Variants in CEP112 observed in about 807,000 individuals in gnomAD.
CEP112 encodes the protein centrosomal protein of 112 kDa.
Under a neutral mutation model 153.0 loss-of-function variants are expected in CEP112, and 127 were observed. That is an observed-to-expected ratio of 0.83 (90% CI 0.72 to 0.96). The LOEUF is 0.96. Among genes scored for constraint, CEP112 ranks in the 40% least tolerant of loss-of-function variants. CEP112 has a pLI of 0.00. For synonymous variants in CEP112, 358 were observed against 374.4 expected, an observed-to-expected ratio of 0.96 and a Z score of 0.51; for missense variants, 1,089 against 1,101.2, an observed-to-expected ratio of 0.99 and a Z score of 0.16.
At chr17:65,813,805 T>C (rs1381434280) in intron 21 of CEP112, among the ~76,000 whole-genome samples, 1 of 152,212 alleles carries the variant, frequency 6.6e-6, no homozygotes, top group Admixed American at 6.5e-5. Flanking sequence ...AGGAATTTAT[T>C]TGAGCACAAG....
intron 23 of CEP112, among the ~76,000 whole-genome samples, chr17:65,730,578 C>T (rs963963883): frequency 5.3e-5 from 8 of 152,100 alleles, no homozygotes; most frequent in Admixed American, 5.2e-4. Flanking sequence ...ACAGGGGAGA[C>T]AGGAATTAAG....
chr17:65,735,417 T>C (rs1201045771), intron 23 of CEP112, among the ~76,000 whole-genome samples: 1 of 152,176 alleles, frequency 6.6e-6, no homozygotes, highest in Non-Finnish European at 1.5e-5. Flanking sequence ...GTGTACTTCC[T>C]ACTAATGTTA....
intron 11 of CEP112, 113 bp downstream of exon 11, chr17:66,062,850 G>A (rs2066974271): frequency 6.0e-6 from 3 of 499,010 alleles, no homozygotes; most frequent in Non-Finnish European, 1.0e-5. Flanking sequence ...TGGAATTTTA[G>A]TTATTTTTTA....
chr17:65,824,525 T>C (rs1327567958), intron 21 of CEP112, among the ~76,000 whole-genome samples: 1 of 152,170 alleles, frequency 6.6e-6, no homozygotes, highest in Non-Finnish European at 1.5e-5. Flanking sequence ...CTATATAAGT[T>C]ATAGTTGTTT....
At chr17:66,182,541 C>T (rs2072762595) in intron 2 of CEP112, 1 of 152,220 alleles carries the variant, frequency 6.6e-6, no homozygotes, top group African/African-American at 2.4e-5. Context: ...TCAAAAGCTA[C>T]CAAGTCATAT....
intron 20 of CEP112, among the ~76,000 whole-genome samples, chr17:65,868,816 T>A (rs918237352): frequency 6.6e-6 from 1 of 152,226 alleles, no homozygotes; most frequent in Non-Finnish European, 1.5e-5. Context: ...TTATACAATA[T>A]GCGTTTTAAC....
intron 20 of CEP112, among the ~76,000 whole-genome samples, chr17:65,863,264 ATAAGACCT>A (rs1245645848): frequency 2.0e-5 from 3 of 152,220 alleles, no homozygotes; most frequent in African/African-American, 7.2e-5. Context: ...AACAACTCCC[ATAAGACCT>A]TAAGCATAAA....
At chr17:65,811,621 G>A (rs575353169) in intron 21 of CEP112, among the ~76,000 whole-genome samples, 2 of 152,296 alleles carry the variant, frequency 1.3e-5, no homozygotes, top group South Asian at 4.1e-4. Context: ...TATTGGCTAT[G>A]AGCAATTATG....
intron 21 of CEP112, among the ~76,000 whole-genome samples, chr17:65,839,470 T>TAAA (rs34555952): frequency 6.9e-6 from 1 of 145,034 alleles, no homozygotes; most frequent in Admixed American, 6.8e-5. Context: ...CCTTTATGAT[T>TAAA]AAAAAAAAAA....
chr17:65,752,433 C>T (rs879888407), intron 21 of CEP112, among the ~76,000 whole-genome samples: 1 of 152,160 alleles, frequency 6.6e-6, no homozygotes, highest in South Asian at 2.1e-4. Context: ...TCCTGCCAGG[C>T]AGCACAAATC....
At position 66,132,677 on chromosome 17, in the gene CEP112, T is replaced by C; in HGVS notation, c.557A>G (p.Lys186Arg). The change falls in exon 5 of 27, where the codon AAG becomes AGG. Residue 186 changes from lysine to arginine, a missense_variant. Coordinates refer to ENST00000535342, the MANE Select transcript of CEP112 (RefSeq NM_001199165.4). ...HREDGQNITP[K>R]ICEVYSKKSP... ...AGTAAAATCTAATCTTACACAAATC[T>C]TTGGGGTAATATTTTGTCCATCTTC... is the stretch of plus-strand genomic sequence containing the variant. 6.2e-7 allele frequency: 1 copy of C among 1,609,818 alleles called. No individual in the cohort carries two copies. The highest frequency in any genetic ancestry group is 8.5e-7 in the Non-Finnish European group (1 of 1,176,126).
Position 66,191,900 on chromosome 17 carries a change from G to C in CEP112, c.-9+97C>G, listed in dbSNP as rs989470966. ...CTGAGGGCGACGCCCCTTCCCGAAC[G>C]GGCCCGCAAGGGCGGGGCGGCAGCC... On this transcript the variant is annotated intron_variant, in intron 1 of 26. Transcript: ENST00000535342. The surrounding 1 kb of genome is among the most constrained non-coding windows in gnomAD (Gnocchi z 4.2). 6.6e-6 allele frequency: 1 copy of C among 152,194 alleles called. No homozygotes were observed. Among genetic ancestry groups the C allele is most frequent in the Non-Finnish European group, 1.5e-5 (1 of 68,048 alleles). 9.4% of individuals were successfully genotyped at this position (152,194 alleles called of 1,614,324 possible). A position where few individuals can be genotyped will look rare whatever the true frequency, so the allele number is the denominator to read the frequency against.
chr17:65,693,968 TG>T (rs1002493324), intron 23 of CEP112, among the ~76,000 whole-genome samples: 1 of 152,094 alleles, frequency 6.6e-6, no homozygotes, highest in African/African-American at 2.4e-5. Context: ...AATCTGCTGG[TG>T]CTTTGATCTT....
intron 4 of CEP112, among the ~76,000 whole-genome samples, chr17:66,143,185 G>C (rs546069337): frequency 6.6e-6 from 1 of 152,078 alleles, no homozygotes. Context: ...TTTCAAGCAG[G>C]GTCCAGAGAT....
At chr17:65,965,071 G>C (rs1415580626) in intron 17 of CEP112, among the ~76,000 whole-genome samples, 1 of 152,026 alleles carries the variant, frequency 6.6e-6, no homozygotes, top group African/African-American at 2.4e-5. Context: ...TATATTATTT[G>C]TGCAATAATT....
intron 21 of CEP112, among the ~76,000 whole-genome samples, chr17:65,807,705 C>A (rs1021943505): frequency 6.6e-6 from 1 of 152,224 alleles, no homozygotes; most frequent in African/African-American, 2.4e-5. Flanking sequence ...TTGGTGGCTT[C>A]CACATGGTGT....
intron 23 of CEP112, among the ~76,000 whole-genome samples, chr17:65,711,698 C>T (rs2049193154): frequency 6.6e-6 from 1 of 152,148 alleles, no homozygotes; most frequent in Non-Finnish European, 1.5e-5. Flanking sequence ...GAAGTCAAAA[C>T]ATTTTTAACA....
intron 18 of CEP112, among the ~76,000 whole-genome samples, chr17:65,929,622 T>A (rs2061051850): frequency 7.0e-6 from 1 of 143,556 alleles, no homozygotes; most frequent in Admixed American, 7.5e-5. Flanking sequence ...ATAATCTACA[T>A]CTTCATTAGG....
chr17:65,864,243 C>T (rs1327701999), intron 20 of CEP112, among the ~76,000 whole-genome samples: 1 of 152,164 alleles, frequency 6.6e-6, no homozygotes, highest in African/African-American at 2.4e-5. Context: ...CATGTGTCCA[C>T]CTAACTATCC....
Sources: allele counts gnomAD v4.1 joint callset (sites outside exome capture counted in the v4.1 genomes callset), GRCh38; gene constraint gnomAD v4.1.1; non-coding constraint Gnocchi (gnomAD v3.1); transcripts MANE v1.5; gene names NCBI Gene and HGNC (gene_info 2026-07-23, HGNC 2026-07-21).